The following RIMKLB variants were observed in gnomAD, a reference collection of about 807,000 sequenced individuals.
RIMKLB encodes ribosomal modification protein rimK like family member B, also known as beta-citrylglutamate synthase B.
Under a neutral mutation model 32.0 loss-of-function variants are expected in RIMKLB, and 7 were observed. The ratio of observed to expected loss-of-function variants is 0.22; its 90% confidence interval spans 0.12 to 0.41. The LOEUF is 0.41. RIMKLB is among the 10% of genes least tolerant of loss of function. The pLI is 1.00. For synonymous variants in RIMKLB, 172 were observed against 185.1 expected, an observed-to-expected ratio of 0.93 and a Z score of 0.57; for missense variants, 289 against 498.7, an observed-to-expected ratio of 0.58 and a Z score of 4.00.
chr12:8,774,507 A>G lies in RIMKLB; in HGVS notation c.*723A>G, dbSNP rs1950613710. 1.0e-6 allele frequency: 1 copy of G among 980,992 alleles called. No individual in the cohort carries two copies. Among genetic ancestry groups the G allele is most frequent in the African/African-American group, 1.8e-5 (1 of 56,944 alleles). The allele number at this position is 980,992 out of a possible 1,614,324, so 60.8% of individuals were successfully genotyped here. The stretch of plus-strand genomic sequence containing the variant: ...AGATAAAATTACACTAGTTTAAAAT[A>G]TGTGCATTCACTTGTATTTGTTAGT... On this transcript the variant is annotated 3_prime_UTR_variant, in exon 6 of 6. Coordinates refer to ENST00000535829, the MANE Select transcript of RIMKLB (RefSeq NM_001297776.2).
upstream of RIMKLB, among the ~76,000 whole-genome samples, chr12:8,693,597 A>C (rs540197166): frequency 7.9e-5 from 12 of 151,810 alleles, no homozygotes; most frequent in Non-Finnish European, 1.3e-4. Context: ...GGGTTTCACC[A>C]TGTTGGACCA....
At chr12:8,760,212 C>G (rs781307957) in intron 5 of RIMKLB, among the ~76,000 whole-genome samples, 4 of 151,940 alleles carry the variant, frequency 2.6e-5, no homozygotes, top group African/African-American at 9.7e-5. Context: ...TTTGTCCTTG[C>G]GATAGTTTGC....
chr12:8,781,213 C>T (rs1435673540), downstream of RIMKLB, among the ~76,000 whole-genome samples: 1 of 152,076 alleles, frequency 6.6e-6, no homozygotes, highest in East Asian at 1.9e-4. Flanking sequence ...TGGTGGCGGG[C>T]ACTTGTAATC....
intron 5 of RIMKLB, among the ~76,000 whole-genome samples, 173 bp from the exon 6 acceptor site, chr12:8,773,148 G>A (rs549983366): frequency 5.9e-5 from 9 of 152,030 alleles, no homozygotes; most frequent in African/African-American, 2.2e-4. Context: ...GACTGGATAG[G>A]GAGAGGATTC....
intron 5 of RIMKLB, among the ~76,000 whole-genome samples, chr12:8,755,314 T>C (rs1430107589): frequency 1.3e-5 from 2 of 151,926 alleles, no homozygotes; most frequent in Non-Finnish European, 2.9e-5. Flanking sequence ...TTGCTCAGGC[T>C]GGTTTCAAAC....
intron 2 of RIMKLB, among the ~76,000 whole-genome samples, chr12:8,727,592 C>G (rs1016354486): frequency 2.8e-4 from 43 of 152,172 alleles, no homozygotes; most frequent in African/African-American, 9.9e-4. Flanking sequence ...TTCACAGATT[C>G]AACCAAATGC....
At chr12:8,736,485 C>A (rs1407825061) in intron 2 of RIMKLB, among the ~76,000 whole-genome samples, 1 of 148,492 alleles carries the variant, frequency 6.7e-6, no homozygotes, top group Non-Finnish European at 1.5e-5. Context: ...CTATTTAGAT[C>A]AAGGTGCCCC....
chr12:8,744,741 A>G lies in RIMKLB; in HGVS notation c.176-5121A>G, dbSNP rs1346511113. On this transcript the variant is annotated intron_variant, in intron 2 of 5. Transcript: ENST00000535829. ...AGTGGCACAGTCTCTGCTCACTTCA[A>G]CCTCTGCCTCCTAGGTTCAAGTGTA... Among the ~76,000 whole-genome samples, 4 of 151,424 alleles carry G rather than the reference A, an allele frequency of 2.6e-5. No homozygotes were observed. In the East Asian group the frequency reaches 5.8e-4, roughly 22 times the overall value.
At chr12:8,771,943 C>T (rs776745473) in intron 5 of RIMKLB, among the ~76,000 whole-genome samples, 13 of 152,182 alleles carry the variant, frequency 8.5e-5, no homozygotes, top group Non-Finnish European at 1.5e-4. Context: ...GGCTGGAGTG[C>T]AGTGGCACAA....
At chr12:8,705,001 A>ACACACACACACACACAC (rs1214259948) in intron 1 of RIMKLB, among the ~76,000 whole-genome samples, 1 of 140,590 alleles carries the variant, frequency 7.1e-6, no homozygotes, top group African/African-American at 2.9e-5. Context: ...CACACACACA[A>ACACACACACACACACAC]AACCCCAAAC....
At chr12:8,697,088 C>A (rs1052698928), upstream of RIMKLB, 5 of 152,256 alleles carry the variant, frequency 3.3e-5, no homozygotes, top group East Asian at 3.9e-4. Context: ...TAAAATATCT[C>A]ATTTCATTCT....
upstream of RIMKLB, chr12:8,697,700 G>A (rs1942958098): frequency 1.0e-5 from 3 of 300,980 alleles, no homozygotes; most frequent in South Asian, 2.3e-5. Flanking sequence ...CCCCGCGCGC[G>A]ATCCATCGCC....
intron 2 of RIMKLB, among the ~76,000 whole-genome samples, chr12:8,731,446 C>T (rs1289543002): frequency 1.3e-5 from 2 of 151,612 alleles, no homozygotes; most frequent in East Asian, 1.9e-4. Context: ...TAGCCAGTTC[C>T]TGGTGGTGGT....
intron 2 of RIMKLB, 54 bp downstream of exon 2, chr12:8,714,095 C>G: frequency 6.8e-7 from 1 of 1,472,304 alleles, no homozygotes. Context: ...TATGATGAAT[C>G]TGCATGTTTT....
chr12:8,725,689 A>G (rs893634439), intron 2 of RIMKLB, among the ~76,000 whole-genome samples: 1 of 152,202 alleles, frequency 6.6e-6, no homozygotes, highest in African/African-American at 2.4e-5. Flanking sequence ...GCGCCATATG[A>G]AGCTGGTTTA....
At chr12:8,679,961 T>C (rs1277402699), upstream of RIMKLB, among the ~76,000 whole-genome samples, 1 of 151,898 alleles carries the variant, frequency 6.6e-6, no homozygotes, top group Non-Finnish European at 1.5e-5. Context: ...AAAATACAGG[T>C]CATAAAGACC....
Position 8,753,981 on chromosome 12 carries a change from T to C in RIMKLB, c.585T>C (p.Tyr195=). 1.9e-6 allele frequency: 3 copies of C among 1,613,962 alleles called. No individual in the cohort carries two copies. Among genetic ancestry groups the C allele is most frequent in the Non-Finnish European group, 2.5e-6 (3 of 1,179,838 alleles). Residue 195 remains tyrosine, a synonymous_variant, in exon 5 of 6, where the codon TAT becomes TAC. Coordinates refer to ENST00000535829, the MANE Select transcript of RIMKLB (RefSeq NM_001297776.2). ...AAGCGCCATACCTGTTCCAGAAGTATGTTAAAGAGTCTCATGGACGGGATG... is the reference window on the plus strand; with the variant it reads ...AAGCGCCATACCTGTTCCAGAAGTACGTTAAAGAGTCTCATGGACGGGATG... ...RHEAPYLFQK[Y]VKESHGRDVR...
In RIMKLB at chr12:8,748,203, ATAG is replaced by A. The variant is rs1948276190; in HGVS notation, c.176-1654_176-1652del. Reference sequence around the variant, plus strand: ...TTGTGTTTGAATGTTTTAAACAACTATAGTAGTCTTCCCTAGCCACAGTTTTGC... The same window carrying A: ...TTGTGTTTGAATGTTTTAAACAACTATAGTCTTCCCTAGCCACAGTTTTGC... On this transcript the variant is annotated intron_variant, in intron 2 of 5. Coordinates refer to ENST00000535829, the MANE Select transcript of RIMKLB (RefSeq NM_001297776.2). Among the ~76,000 whole-genome samples, 5 of 152,322 alleles carry A rather than the reference ATAG, an allele frequency of 3.3e-5. 1 individual carries two copies. The South Asian group carries it at 1.0e-3, about 32-fold the overall frequency.
intron 1 of RIMKLB, among the ~76,000 whole-genome samples, chr12:8,686,272 CCTCCT>C (rs1352855358): frequency 9.9e-5 from 15 of 151,054 alleles, no homozygotes; most frequent in East Asian, 5.9e-4. Context: ...CCTCCCCTCC[CCTCCT>C]CTCCTCTCCT....
Sources: allele counts gnomAD v4.1 joint callset (sites outside exome capture counted in the v4.1 genomes callset), GRCh38; gene constraint gnomAD v4.1.1; transcripts MANE v1.5; gene names NCBI Gene and HGNC (gene_info 2026-07-23, HGNC 2026-07-21).